The following MYL6B variants were observed in gnomAD, a reference collection of about 807,000 sequenced individuals.
MYL6B encodes the protein myosin alkali light chain 1 slow a.
A neutral mutation model predicts 24.5 loss-of-function variants in MYL6B; 19 were observed. The ratio of observed to expected loss-of-function variants is 0.78; its 90% CI spans 0.54 to 1.14. The LOEUF (loss-of-function observed/expected upper bound fraction) is 1.14, where lower values mean the gene tolerates loss of function less well. Among genes scored for constraint, MYL6B ranks in the 50% most tolerant of loss-of-function variants. MYL6B has a pLI of 0.00. For missense variants in MYL6B, 230 were observed against 263.8 expected (o/e 0.87, Z 0.89); for synonymous variants, 90 against 100.7 (o/e 0.89, Z 0.64).
At chr12:56,157,377 G>A in intron 5 of MYL6B, 91 bp from the exon 6 acceptor site, 2 of 1,273,698 alleles carry the variant, frequency 1.6e-6, no homozygotes, top group Non-Finnish European at 2.2e-6. Context: ...CGACAGGAGC[G>A]AAACTCCGTC....
chr12:56,157,417 G>T, intron 5 of MYL6B, 51 bp from the exon 6 acceptor site: 1 of 1,558,322 alleles, frequency 6.4e-7, no homozygotes, highest in South Asian at 1.1e-5. Flanking sequence ...GCGTGGCCTG[G>T]GTGAGTGAAG....
At position 56,155,091 on chromosome 12, in the gene MYL6B, G is replaced by A. The variant is rs1871255245; in HGVS notation, c.239G>A (p.Gly80Glu). ...GCCTTCGAGCTGTTTGACCGAGTGG[G>A]GGATGGCAAGATCCTGTACAGCCAG... The change falls in exon 4 of 7, where the codon GGG becomes GAG. Residue 80 changes from glycine to glutamate, a missense_variant. Physicochemically the swap from Gly to Glu is moderately conservative, Grantham distance 98. Coordinates refer to ENST00000553066, the Ensembl canonical transcript of MYL6B. The A allele has an allele frequency of 1.2e-6, 2 of 1,613,760 alleles. No homozygotes were observed. The highest frequency in any genetic ancestry group is 1.7e-6 in the Non-Finnish European group (2 of 1,179,870).
At chr12:56,155,508 T>C (rs779807910) in exon 5 of MYL6B, 1 of 1,613,976 alleles carries the variant, frequency 6.2e-7, no homozygotes, top group Non-Finnish European at 8.5e-7. Flanking sequence ...ATATGAGGAC[T>C]ACTTGGAGGG....
chr12:56,155,766 C>G (rs1565881394), intron 5 of MYL6B, 174 bp downstream of exon 5: 3 of 1,526,210 alleles, frequency 2.0e-6, no homozygotes, highest in Non-Finnish European at 2.6e-6. Context: ...CTCGCTCTTC[C>G]AGAGGCTAAA....
At chr12:56,153,761 A>G in intron 1 of MYL6B, 112 bp from the exon 2 acceptor site, 1 of 712,512 alleles carries the variant, frequency 1.4e-6, no homozygotes, top group South Asian at 2.2e-5. Context: ...AGGCCAGGGG[A>G]GTGAGGGCAG....
intron 3 of MYL6B, 32 bp downstream of exon 3, chr12:56,154,872 C>T (rs758912905): frequency 6.2e-7 from 1 of 1,604,934 alleles, no homozygotes; most frequent in Non-Finnish European, 8.5e-7. Context: ...GCCACTGTCC[C>T]ATCCCCAATC....
At chr12:56,154,461 G>A (rs1464278790) in intron 2 of MYL6B, among the ~76,000 whole-genome samples, 3 of 152,246 alleles carry the variant, frequency 2.0e-5, no homozygotes, top group Non-Finnish European at 1.5e-5. Context: ...CTGAACTCCA[G>A]GAGGGGAGGC....
rs142491058 is a variant in MYL6B, at chr12:56,155,161, C to T, written c.309C>T (p.Ala103=). ...CCCTGGGCCAGAACCCCACCAACGC[C>T]GAGGTGCTCAAGGTCCTGGGGAACC... Residue 103 remains alanine, a synonymous_variant, in exon 4 of 7, where the codon GCC becomes GCT. Coordinates refer to ENST00000553066, the Ensembl canonical transcript of MYL6B. 2.7e-5 allele frequency: 44 copies of T among 1,613,548 alleles called. No individual in the cohort carries two copies. The East Asian group carries it at 3.8e-4, about 14-fold the overall frequency.
exon 2 of MYL6B, chr12:56,153,975 A>T: frequency 6.2e-7 from 1 of 1,613,766 alleles, no homozygotes; most frequent in Non-Finnish European, 8.5e-7. Flanking sequence ...CCATCTCCAA[A>T]CCTGCTGCTA....
intron 6 of MYL6B, 26 bp from the exon 7 acceptor site, chr12:56,157,672 G>A (rs772818634): frequency 1.9e-6 from 3 of 1,613,272 alleles, no homozygotes; most frequent in Non-Finnish European, 2.5e-6. Flanking sequence ...TGCTTCTGAA[G>A]CCCCTCTTGC....
At chr12:56,155,181 G>A in exon 4 of MYL6B, 1 of 1,610,610 alleles carries the variant, frequency 6.2e-7, no homozygotes, top group Non-Finnish European at 8.5e-7. Flanking sequence ...AAGGTCCTGG[G>A]GAACCCCAAG....
At chr12:56,156,727 G>A (rs1871327505) in intron 5 of MYL6B, among the ~76,000 whole-genome samples, 2 of 151,220 alleles carry the variant, frequency 1.3e-5, no homozygotes, top group South Asian at 4.2e-4. Flanking sequence ...CCTGGGCAAC[G>A]TAGTGAGATT....
chr12:56,157,757 G>C, exon 7 of MYL6B: 1 of 1,608,164 alleles, frequency 6.2e-7, no homozygotes, highest in African/African-American at 1.3e-5. Flanking sequence ...CCACCCCTTC[G>C]CCGCGCCTTA....
Position 56,154,102 on chromosome 12 carries a change from T to C in MYL6B, c.174+10T>C, listed in dbSNP as rs1329862547. On this transcript the variant is annotated intron_variant, in intron 2 of 6. Coordinates refer to ENST00000553066, the Ensembl canonical transcript of MYL6B. Reference sequence around the variant, plus strand: ...TCTCTCCAAAGTGGTGGTGAGTCTCTGGAAAGTGAAGATAGAATTGGAGGG... The same window carrying C: ...TCTCTCCAAAGTGGTGGTGAGTCTCCGGAAAGTGAAGATAGAATTGGAGGG... The C allele has an allele frequency of 1.2e-6, 2 of 1,606,436 alleles. No homozygotes were observed. The highest frequency in any genetic ancestry group is 1.7e-5 in the Admixed American group (1 of 58,478).
At chr12:56,153,932 A>C (rs748463155) in exon 2 of MYL6B, 1 of 1,612,542 alleles carries the variant, frequency 6.2e-7, no homozygotes, top group Non-Finnish European at 8.5e-7. Context: ...CCTCCCAAGA[A>C]GGATGTTCCC....
At chr12:56,154,030 C>T (rs371568914) in exon 2 of MYL6B, 4 of 1,614,136 alleles carry the variant, frequency 2.5e-6, no homozygotes, top group African/African-American at 1.3e-5. Flanking sequence ...CAAAGCTGAG[C>T]CAGCTGTCCC....
chr12:56,154,887 G>A, intron 3 of MYL6B, 47 bp downstream of exon 3: 1 of 1,595,212 alleles, frequency 6.3e-7, no homozygotes, highest in African/African-American at 1.3e-5. Flanking sequence ...CCAATCCCCT[G>A]GTCAGATTCT....
intron 1 of MYL6B, 39 bp from the exon 2 acceptor site, chr12:56,153,834 C>T (rs768888260): frequency 3.0e-5 from 42 of 1,416,286 alleles, no homozygotes; most frequent in South Asian, 8.3e-5. Flanking sequence ...CCCCTGCCCC[C>T]GCCCCTTGAC....
At chr12:56,153,835 G>A (rs774970806) in intron 1 of MYL6B, 38 bp from the exon 2 acceptor site, 423 of 1,326,050 alleles carry the variant, frequency 3.2e-4, no homozygotes, top group South Asian at 6.3e-4. Flanking sequence ...CCCTGCCCCC[G>A]CCCCTTGACA....
Sources: allele counts gnomAD v4.1 joint callset (sites outside exome capture counted in the v4.1 genomes callset), GRCh38; gene constraint gnomAD v4.1.1; transcripts MANE v1.5; gene names NCBI Gene and HGNC (gene_info 2026-07-23, HGNC 2026-07-21).